Variants in MMEL1 observed in about 807,000 individuals in gnomAD.
The protein encoded by MMEL1 is membrane metallo-endopeptidase-like 1.
A neutral mutation model predicts 117.1 loss-of-function variants in MMEL1; 98 were observed. The observed-to-expected ratio is 0.84, with a 90% CI of 0.71 to 0.99. MMEL1 has a LOEUF of 0.99. Ranked by LOEUF, MMEL1 falls within the 50% of genes least tolerant of loss-of-function variation. The probability of loss-of-function intolerance (pLI) is 0.00; values close to 1 mark genes in which losing one functional copy is unlikely to be tolerated. For synonymous variants in MMEL1, 390 were observed against 415.1 expected (o/e 0.94, Z 0.74); for missense variants, 1,014 against 1,049.1 (o/e 0.97, Z 0.46).
intron 13 of MMEL1, among the ~76,000 whole-genome samples, chr1:2,597,252 G>T (rs1227979363): frequency 6.6e-6 from 1 of 152,014 alleles, no homozygotes; most frequent in Admixed American, 6.5e-5. Flanking sequence ...TTTAGGAAAG[G>T]GAGGCAGCCC....
chr1:2,607,763 G>C (rs1053504911), intron 6 of MMEL1, among the ~76,000 whole-genome samples: 11 of 152,098 alleles, frequency 7.2e-5, no homozygotes, highest in Non-Finnish European at 7.4e-5. Flanking sequence ...AGTGGGGGCT[G>C]CTGGCCTGGG....
chr1:2,593,758 G>A, intron 19 of MMEL1, 56 bp downstream of exon 19: 1 of 1,514,166 alleles, frequency 6.6e-7, no homozygotes, highest in African/African-American at 1.4e-5. Context: ...GCCCCTTCCT[G>A]GCTGCTTCTC....
At chr1:2,628,352 C>T (rs1001766516) in intron 2 of MMEL1, among the ~76,000 whole-genome samples, 3 of 152,240 alleles carry the variant, frequency 2.0e-5, no homozygotes, top group Admixed American at 1.3e-4. Flanking sequence ...CACAGCCTCC[C>T]GCAGGGGTGG....
intron 23 of MMEL1, 62 bp downstream of exon 23, chr1:2,591,495 C>T (rs572542864): frequency 7.4e-7 from 1 of 1,346,450 alleles, no homozygotes; most frequent in Non-Finnish European, 1.1e-6. Context: ...CTTTTACAGG[C>T]CACTGGGGTG....
At chr1:2,611,412 G>A in intron 3 of MMEL1, 72 bp from the exon 4 acceptor site, 3 of 1,202,432 alleles carry the variant, frequency 2.5e-6, no homozygotes, top group Non-Finnish European at 3.4e-6. Context: ...GGGTGTGGGC[G>A]GGGCAAGGTC....
chr1:2,591,492 A>G, intron 23 of MMEL1, 65 bp downstream of exon 23: 10 of 1,307,136 alleles, frequency 7.7e-6, no homozygotes, highest in South Asian at 1.2e-5. Context: ...CTTCTTTTAC[A>G]GGCCACTGGG....
intron 6 of MMEL1, among the ~76,000 whole-genome samples, chr1:2,608,747 G>A (rs928813131): frequency 2.0e-5 from 3 of 151,836 alleles, no homozygotes; most frequent in East Asian, 3.9e-4. Context: ...TGACATGCAC[G>A]TAACACACAT....
chr1:2,591,898 A>G (rs1273498295), intron 22 of MMEL1, 34 bp downstream of exon 22: 2 of 1,593,270 alleles, frequency 1.3e-6, no homozygotes, highest in African/African-American at 2.7e-5. Context: ...GTGGGGAAGC[A>G]TGGGGATGGT....
At chr1:2,604,314 G>A in intron 9 of MMEL1, 33 bp from the exon 10 acceptor site, 6 of 1,608,926 alleles carry the variant, frequency 3.7e-6, no homozygotes, top group Non-Finnish European at 5.1e-6. Flanking sequence ...GAGCTGGGTG[G>A]CCTCAGCCAC....
chr1:2,630,108 G>T (rs1015770467), intron 1 of MMEL1: 1 of 152,450 alleles, frequency 6.6e-6, no homozygotes, highest in Non-Finnish European at 1.5e-5. Flanking sequence ...TACTATGGAG[G>T]GGACACCTTC....
At chr1:2,610,955 G>A (rs1000072045) in intron 4 of MMEL1, among the ~76,000 whole-genome samples, 4 of 152,228 alleles carry the variant, frequency 2.6e-5, no homozygotes, top group African/African-American at 9.7e-5. Context: ...CAAATGCCTG[G>A]GAGAAAATCT....
At position 2,591,101 on chromosome 1, in the gene MMEL1, T is replaced by G; in HGVS notation, c.2241-12A>C. On this transcript the variant is annotated splice_polypyrimidine_tract_variant and intron_variant, in intron 23 of 23. Transcript: ENST00000378412. ...GCGACCCCAGTACCCTGTGGGTGGG[T>G]GGGTGTGACAGCAGGAGCATTGCCA... 6.5e-7 allele frequency: 1 copy of G among 1,549,006 alleles called. No individual in the cohort carries two copies. The highest frequency in any genetic ancestry group is 8.7e-7 in the Non-Finnish European group (1 of 1,147,524).
chr1:2,625,606 T>C (rs2100965585), intron 2 of MMEL1, among the ~76,000 whole-genome samples: 1 of 152,336 alleles, frequency 6.6e-6, no homozygotes, highest in South Asian at 2.1e-4. Context: ...ACTGCTCTCC[T>C]TTTGAGACAG....
intron 2 of MMEL1, among the ~76,000 whole-genome samples, chr1:2,626,835 G>A (rs1300845188): frequency 1.3e-5 from 2 of 152,132 alleles, no homozygotes; most frequent in African/African-American, 2.4e-5. Context: ...ATGATAGGTT[G>A]ATCCAAAACA....
chr1:2,598,584 C>A, intron 12 of MMEL1, 70 bp downstream of exon 12: 1 of 1,595,978 alleles, frequency 6.3e-7, no homozygotes, highest in Non-Finnish European at 8.6e-7. Flanking sequence ...GGAGCAGAAG[C>A]TGTGTTGGGG....
In MMEL1 at chr1:2,607,123, C is replaced by T. The variant is rs1041646198; in HGVS notation, c.536-54G>A. 3.3e-5 allele frequency: 49 copies of T among 1,506,932 alleles called. 1 individual carries two copies. Among genetic ancestry groups the T allele is most frequent in the Admixed American group, 1.0e-4 (6 of 59,524 alleles). 93.3% of individuals were successfully genotyped at this position (1,506,932 alleles called of 1,614,324 possible). ...CAGCCTCCCTGTGGCTCACGTGCCA[C>T]GACACAGAACTGTGGGGGCGCCGTT... On this transcript the variant is annotated intron_variant, in intron 6 of 23. Coordinates refer to ENST00000378412, the MANE Select transcript of MMEL1 (RefSeq NM_033467.4).
rs1198110985 is a variant in MMEL1, at chr1:2,595,209, C to G, written c.1584+67G>C. The G allele has an allele frequency of 4.9e-6, 7 of 1,421,972 alleles. No homozygotes were observed. Among genetic ancestry groups the G allele is most frequent in the Non-Finnish European group, 6.9e-6 (7 of 1,017,474 alleles). 88.1% of individuals were successfully genotyped at this position (1,421,972 alleles called of 1,614,324 possible). A position where few individuals can be genotyped will look rare whatever the true frequency, so the allele number is the denominator to read the frequency against. ...GGGCACAGAGCTTGGCACAGAGGAGCCCCCAGGCAATCAGGGCCCATGTCC... is the reference window on the plus strand; with the variant it reads ...GGGCACAGAGCTTGGCACAGAGGAGGCCCCAGGCAATCAGGGCCCATGTCC... On this transcript the variant is annotated intron_variant, in intron 16 of 23. Coordinates refer to ENST00000378412, the MANE Select transcript of MMEL1 (RefSeq NM_033467.4). The surrounding 1 kb of genome is among the most constrained non-coding windows in gnomAD (Gnocchi z 4.8).
Position 2,597,830 on chromosome 1 carries a change from G to C in MMEL1, c.1272+377C>G, listed in dbSNP as rs1413908877. 2.0e-5 allele frequency among the ~76,000 whole-genome samples: 3 copies of C among 152,174 alleles called. No homozygotes were observed. The East Asian group carries it at 5.8e-4, about 29-fold the overall frequency. ...CCCTGCCATCTTCTCCTTCCTGTCC[G>C]CTGCTGACCACGGGTCCGGCCCCTG... On this transcript the variant is annotated intron_variant, in intron 13 of 23. Coordinates refer to ENST00000378412, the MANE Select transcript of MMEL1 (RefSeq NM_033467.4).
At chr1:2,599,771 C>T (rs866899292) in intron 11 of MMEL1, among the ~76,000 whole-genome samples, 4 of 150,624 alleles carry the variant, frequency 2.7e-5, no homozygotes, top group South Asian at 2.1e-4. Context: ...GCATGAGAAT[C>T]GCTTGAACCT....
Sources: gnomAD v4.1 joint callset for allele counts (sites outside exome capture counted in the v4.1 genomes callset) on GRCh38, gnomAD v4.1.1 for gene constraint, Gnocchi (gnomAD v3.1) non-coding constraint, MANE v1.5 for transcripts, NCBI Gene and HGNC (gene_info 2026-07-23, HGNC 2026-07-21) for gene names.